BPIFC: variants seen among roughly 807,000 people sequenced by gnomAD.
BPIFC encodes the protein BPI fold-containing family C protein.
BPIFC carries 60 observed loss-of-function variants against 57.6 expected under a neutral mutation model. The ratio of observed to expected loss-of-function variants is 1.04; its 90% CI spans 0.85 to 1.29. BPIFC has a LOEUF of 1.29. Among genes scored for constraint, BPIFC ranks in the 50% most tolerant of loss-of-function variants. The pLI, the probability that BPIFC is intolerant of heterozygous loss-of-function variation, is 0.00. For missense variants in BPIFC, 581 were observed against 600.5 expected, an observed-to-expected ratio of 0.97 and a Z score of 0.34; for synonymous variants, 243 against 224.5, an observed-to-expected ratio of 1.08 and a Z score of -0.74.
intron 8 of BPIFC, among the ~76,000 whole-genome samples, chr22:32,441,610 A>G (rs1934566438): frequency 6.6e-6 from 1 of 152,136 alleles, no homozygotes; most frequent in Non-Finnish European, 1.5e-5. Context: ...GGTTTCCTGG[A>G]AGAGGCTATG....
chr22:32,422,139 A>G (rs1933866264), intron 13 of BPIFC, among the ~76,000 whole-genome samples: 2 of 152,158 alleles, frequency 1.3e-5, no homozygotes, highest in South Asian at 4.1e-4. Context: ...AAGAAATCCA[A>G]TGAAGGTTTT....
chr22:32,453,321 A>AATTC (rs1334635437), intron 4 of BPIFC, 62 bp downstream of exon 4: 1 of 1,198,714 alleles, frequency 8.3e-7, no homozygotes, highest in African/African-American at 1.6e-5. Context: ...GCTTCCATAG[A>AATTC]ATTCCTCCAC....
chr22:32,415,145 A>G (rs749689085), intron 16 of BPIFC, among the ~76,000 whole-genome samples: 5 of 152,248 alleles, frequency 3.3e-5, no homozygotes, highest in Non-Finnish European at 7.3e-5. Context: ...TCCCTTGCAC[A>G]GGCAGTTCAC....
chr22:32,429,486 G>A (rs1033876454), intron 13 of BPIFC, among the ~76,000 whole-genome samples: 8 of 144,112 alleles, frequency 5.6e-5, no homozygotes, highest in Admixed American at 2.9e-4. Flanking sequence ...GATTACAGGC[G>A]TGAGCCATGG....
chr22:32,415,713 G>C (rs780055365), intron 16 of BPIFC, among the ~76,000 whole-genome samples: 3 of 152,152 alleles, frequency 2.0e-5, no homozygotes, highest in Non-Finnish European at 2.9e-5. Context: ...AATTGATCTT[G>C]GTCTGATTTT....
Position 32,417,159 on chromosome 22 carries a change from A to G in BPIFC, c.1261-11T>C, listed in dbSNP as rs1443967913. On this transcript the variant is annotated splice_polypyrimidine_tract_variant and intron_variant, in intron 14 of 16. Transcript: ENST00000300399. ...TTCAAACCTCAAGACCTAAAATAAA[A>G]GAGGAAATAGAATCAATTGGCAGAT... The G allele has an allele frequency of 2.5e-6, 4 of 1,588,812 alleles. No homozygotes were observed. Among genetic ancestry groups the G allele is most frequent in the Non-Finnish European group, 3.5e-6 (4 of 1,158,292 alleles).
chr22:32,455,685 G>A (rs1055551625), intron 3 of BPIFC, among the ~76,000 whole-genome samples: 1 of 152,148 alleles, frequency 6.6e-6, no homozygotes, highest in African/African-American at 2.4e-5. Context: ...TTCAAGCTCC[G>A]GCAGCACAGA....
intron 13 of BPIFC, among the ~76,000 whole-genome samples, chr22:32,423,735 C>T (rs1252667257): frequency 6.6e-6 from 1 of 151,650 alleles, no homozygotes; most frequent in Non-Finnish European, 1.5e-5. Flanking sequence ...ATCTGATTGC[C>T]TTGAGCTTTG....
At chr22:32,454,458 A>G (rs1359876899) in intron 3 of BPIFC, among the ~76,000 whole-genome samples, 1 of 152,214 alleles carries the variant, frequency 6.6e-6, no homozygotes, top group East Asian at 1.9e-4. Context: ...TCATCCTGGA[A>G]TAACTCATCA....
At chr22:32,457,412 C>T (rs1246667970) in intron 2 of BPIFC, 26 bp from the exon 3 acceptor site, 4 of 1,593,430 alleles carry the variant, frequency 2.5e-6, no homozygotes, top group Non-Finnish European at 3.4e-6. Flanking sequence ...AGTTAAGGTT[C>T]CTTTATTATT....
At chr22:32,423,162 A>G (rs1268682907) in intron 13 of BPIFC, among the ~76,000 whole-genome samples, 2 of 152,014 alleles carry the variant, frequency 1.3e-5, no homozygotes, top group Non-Finnish European at 2.9e-5. Context: ...GAGCTTGAAA[A>G]CCTCAGACGG....
chr22:32,447,403 CT>C, intron 4 of BPIFC, 63 bp from the exon 5 acceptor site: 3 of 1,560,968 alleles, frequency 1.9e-6, no homozygotes, highest in Non-Finnish European at 2.6e-6. Context: ...GTCAAGCAAA[CT>C]TGGGAACACA....
At chr22:32,445,611 G>T (rs750253448) in intron 7 of BPIFC, 24 bp downstream of exon 7, 2 of 1,565,176 alleles carry the variant, frequency 1.3e-6, no homozygotes, top group Non-Finnish European at 1.7e-6. Flanking sequence ...TTTTACTGTG[G>T]TTGCCTAACC....
chr22:32,463,517 TGAA>T lies in BPIFC; in HGVS notation c.-89+854_-89+856del, dbSNP rs533049134. 7.2e-4 allele frequency among the ~76,000 whole-genome samples: 110 copies of T among 152,282 alleles called. No individual in the cohort carries two copies. The Middle Eastern group carries it at 0.02, about 28-fold the overall frequency. On this transcript the variant is annotated intron_variant, in intron 1 of 16. Coordinates refer to ENST00000300399, the MANE Select transcript of BPIFC (RefSeq NM_174932.3). Reference sequence around the variant, plus strand: ...ATGCCAGTCCAATTTAGAAAACACCTGAAACTCACAGATGGTCCTACTACTACT... The same window carrying T: ...ATGCCAGTCCAATTTAGAAAACACCTACTCACAGATGGTCCTACTACTACT...
intron 13 of BPIFC, among the ~76,000 whole-genome samples, chr22:32,424,696 T>TTCC (rs1933984994): frequency 2.1e-5 from 2 of 94,244 alleles, no homozygotes; most frequent in Non-Finnish European, 1.9e-5. Flanking sequence ...CTTCTTCCTC[T>TTCC]TCTTCTTCCT....
chr22:32,463,277 G>T (rs1935201028), intron 1 of BPIFC, among the ~76,000 whole-genome samples: 1 of 152,134 alleles, frequency 6.6e-6, no homozygotes, highest in African/African-American at 2.4e-5. Flanking sequence ...AAGTAATTTG[G>T]CTGACAAGTG....
intron 7 of BPIFC, among the ~76,000 whole-genome samples, chr22:32,444,698 T>C (rs890519290): frequency 2.6e-5 from 4 of 152,214 alleles, no homozygotes; most frequent in African/African-American, 9.6e-5. Context: ...CTATTGTATG[T>C]CCTGGAAATA....
intron 13 of BPIFC, among the ~76,000 whole-genome samples, chr22:32,429,549 C>A (rs1934180565): frequency 7.3e-6 from 1 of 137,904 alleles, no homozygotes; most frequent in Non-Finnish European, 1.5e-5. Context: ...TGAAGTCCCG[C>A]TCTGTTGCCC....
At chr22:32,442,077 C>T (rs1659726388) in intron 8 of BPIFC, among the ~76,000 whole-genome samples, 1 of 152,154 alleles carries the variant, frequency 6.6e-6, no homozygotes, top group African/African-American at 2.4e-5. Context: ...GTCTGTGGCC[C>T]AGGGACTGGG....
Sources: gnomAD v4.1 joint callset for allele counts (sites outside exome capture counted in the v4.1 genomes callset) on GRCh38, gnomAD v4.1.1 for gene constraint, MANE v1.5 for transcripts, NCBI Gene and HGNC (gene_info 2026-07-23, HGNC 2026-07-21) for gene names.